The following DGKA variants were observed in gnomAD, a reference collection of about 807,000 sequenced individuals.
DGKA encodes the protein 80 kDa diacylglycerol kinase.
In DGKA, 35 loss-of-function variants were observed where a neutral mutation model predicts 105.0. The ratio of observed to expected loss-of-function variants is 0.33; its 90% CI spans 0.25 to 0.44. The LOEUF (loss-of-function observed/expected upper bound fraction) is 0.44, where lower values mean the gene tolerates loss of function less well. DGKA is among the 20% of genes least tolerant of loss of function. DGKA has a pLI of 1.00. For synonymous variants in DGKA, 296 were observed against 332.0 expected (o/e 0.89, Z 1.18); for missense variants, 665 against 915.0 (o/e 0.73, Z 3.53).
chr12:55,932,515 G>A lies in DGKA; in HGVS notation c.-82+1171G>A, dbSNP rs1167523207. ...TCCTCTCCCCACCTGTCACTGGGAA[G>A]TTTCTGAAAATACCTGAGTCTGAAT... On this transcript the variant is annotated intron_variant, in intron 1 of 23. Coordinates refer to ENST00000331886, the MANE Select transcript of DGKA (RefSeq NM_001345.5). The surrounding 1 kb of genome is among the most constrained non-coding windows in gnomAD (Gnocchi z 4.3). The A allele has an allele frequency of 4.3e-6, 3 of 702,128 alleles. No homozygotes were observed. The highest frequency in any genetic ancestry group is 7.8e-6 in the Non-Finnish European group (3 of 384,780). The allele number at this position is 702,128 out of a possible 1,614,324, so 43.5% of individuals were successfully genotyped here. A position where few individuals can be genotyped will look rare whatever the true frequency, so the allele number is the denominator to read the frequency against.
chr12:55,941,910 G>A lies in DGKA; in HGVS notation c.1251-88G>A, dbSNP rs538853376. ...AAAAAGGAGGAGGGTCCTACGGAATGAGAGACAAGAAGCAATCTGCCTGCT... is the reference window on the plus strand; with the variant it reads ...AAAAAGGAGGAGGGTCCTACGGAATAAGAGACAAGAAGCAATCTGCCTGCT... On this transcript the variant is annotated intron_variant, in intron 15 of 23. Transcript: ENST00000331886. The A allele has an allele frequency of 3.0e-6, 4 of 1,353,504 alleles. No individual in the cohort carries two copies. The South Asian group carries it at 3.5e-5, about 12-fold the overall frequency. 83.8% of individuals were successfully genotyped at this position (1,353,504 alleles called of 1,614,324 possible).
At chr12:55,943,070 A>G (rs1886341825) in intron 17 of DGKA, among the ~76,000 whole-genome samples, 1 of 152,172 alleles carries the variant, frequency 6.6e-6, no homozygotes, top group African/African-American at 2.4e-5. Flanking sequence ...ATGGAGGGTT[A>G]TGAATACTGT....
At chr12:55,947,892 C>T (rs768757871) in intron 17 of DGKA, among the ~76,000 whole-genome samples, 1 of 152,032 alleles carries the variant, frequency 6.6e-6, no homozygotes, top group Non-Finnish European at 1.5e-5. Flanking sequence ...CGGGTTCAAG[C>T]GATTCTCGTG....
intron 17 of DGKA, among the ~76,000 whole-genome samples, chr12:55,944,902 C>T (rs186972478): frequency 2.1e-4 from 32 of 152,268 alleles, no homozygotes; most frequent in Non-Finnish European, 1.2e-4. Context: ...CAGGTTCCGG[C>T]GATTCTCCTG....
At chr12:55,937,315 T>G in intron 3 of DGKA, 93 bp from the exon 4 acceptor site, 1 of 1,458,928 alleles carries the variant, frequency 6.9e-7, no homozygotes, top group Admixed American at 1.8e-5. Context: ...TTCTCAGCTC[T>G]GCATTTATTA....
In DGKA at chr12:55,932,713, A is replaced by T; in HGVS notation, c.-82+1369A>T. 2 of 195,966 alleles carry T rather than the reference A, an allele frequency of 1.0e-5. No homozygotes were observed. Among genetic ancestry groups the T allele is most frequent in the Admixed American group, 6.5e-5 (1 of 15,488 alleles). The allele number at this position is 195,966 out of a possible 1,614,324, so 12.1% of individuals were successfully genotyped here. On this transcript the variant is annotated intron_variant, in intron 1 of 23. Transcript: ENST00000331886. This position sits in a 1 kb window ranked among gnomAD's most constrained non-coding sequence, Gnocchi z 4.3. ...CCTCTACACACACACACACACGCAC[A>T]CACACACACACACACACACACACAC...
chr12:55,940,164 C>G lies in DGKA; in HGVS notation c.792C>G (p.Asp264Glu). Residue 264 changes from aspartate (D) to glutamate (E), a missense_variant, in exon 10 of 24, where the codon GAC becomes GAG. Coordinates refer to ENST00000331886, the MANE Select transcript of DGKA (RefSeq NM_001345.5). This position sits in a 1 kb window ranked among gnomAD's most constrained non-coding sequence, Gnocchi z 4.3. Reference sequence around the variant, plus strand: ...GCACCTATGCCAAGTCTCGGAAGGACATTGGTGTGAGTGATCTCATGCCTC... The same window carrying G: ...GCACCTATGCCAAGTCTCGGAAGGAGATTGGTGTGAGTGATCTCATGCCTC... The part of the protein sequence containing the change: ...EVSTYAKSRK[D>E]IGVQSHVWVR... 6.2e-7 allele frequency: 1 copy of G among 1,614,216 alleles called. No individual in the cohort carries two copies. Among genetic ancestry groups the G allele is most frequent in the South Asian group, 1.1e-5 (1 of 91,082 alleles).
chr12:55,928,693 AAAAAAAAAAAAAACT>A (rs1250558021), upstream of DGKA, among the ~76,000 whole-genome samples: 3 of 150,350 alleles, frequency 2.0e-5, no homozygotes, highest in Admixed American at 6.6e-5. Context: ...AAAAAAAAAA[AAAAAAAAAAAAAACT>A]AAAAAACTGA....
At chr12:55,950,919 G>T (rs2136405370) in intron 17 of DGKA, among the ~76,000 whole-genome samples, 1 of 151,970 alleles carries the variant, frequency 6.6e-6, no homozygotes, top group Admixed American at 6.5e-5. Flanking sequence ...TTCTAGTTTT[G>T]TATCCATTCA....
In DGKA at chr12:55,953,944, T is replaced by C. The variant is rs1360997885; in HGVS notation, c.*176T>C. ...TCACTGTTCCCCATGCGCACACACA[T>C]ACACACACCCCAAAACACATACATT... On this transcript the variant is annotated 3_prime_UTR_variant, in exon 24 of 24. Transcript: ENST00000331886. The C allele has an allele frequency of 1.2e-5, 8 of 647,908 alleles. No homozygotes were observed. The highest frequency in any genetic ancestry group is 2.1e-5 in the Non-Finnish European group (8 of 375,442). 40.1% of individuals were successfully genotyped at this position (647,908 alleles called of 1,614,324 possible). A position where few individuals can be genotyped will look rare whatever the true frequency, so the allele number is the denominator to read the frequency against.
chr12:55,948,921 G>T (rs891518407), intron 17 of DGKA, among the ~76,000 whole-genome samples: 1 of 151,948 alleles, frequency 6.6e-6, no homozygotes, highest in Non-Finnish European at 1.5e-5. Context: ...TACTTGGGAG[G>T]CTGAGCAGGA....
chr12:55,953,781 T>C lies in DGKA; in HGVS notation c.*13T>C. 1 of 1,613,786 alleles carries C rather than the reference T, an allele frequency of 6.2e-7. No homozygotes were observed. Among genetic ancestry groups the C allele is most frequent in the Non-Finnish European group, 8.5e-7 (1 of 1,179,646 alleles). On this transcript the variant is annotated 3_prime_UTR_variant, in exon 24 of 24. Transcript: ENST00000331886. ...CTTCTTGAGCTAAGGGGGACACCCT[T>C]GGCCTCCAAGCCAGCCTTGAACCCA...
At position 55,942,017 on chromosome 12, in the gene DGKA, G is replaced by A; in HGVS notation, c.1270G>A (p.Val424Ile). The A allele has an allele frequency of 6.8e-6, 11 of 1,614,178 alleles. No individual in the cohort carries two copies. The highest frequency in any genetic ancestry group is 9.3e-6 in the Non-Finnish European group (11 of 1,180,030). The change falls in exon 16 of 24, where the codon GTT (valine) becomes ATT (isoleucine). Residue 424 changes from valine to isoleucine, a missense_variant. This residue lies in a region of DGKA where 504 missense variants were observed against 681.2 expected (regional missense o/e 0.74). Coordinates refer to ENST00000331886, the MANE Select transcript of DGKA (RefSeq NM_001345.5). Reference protein sequence around the residue: ...PEIGLRLFKDVPDSRILVCGG... With the variant: ...PEIGLRLFKDIPDSRILVCGG... ...TCTCAGGCTCCGATTATTCAAGGATGTTCCTGATAGCCGGATTTTGGTGTG... is the reference window on the plus strand; with the variant it reads ...TCTCAGGCTCCGATTATTCAAGGATATTCCTGATAGCCGGATTTTGGTGTG...
chr12:55,938,094 G>C lies in DGKA; in HGVS notation c.349+42G>C, dbSNP rs768976265. On this transcript the variant is annotated intron_variant, in intron 5 of 23. Transcript: ENST00000331886. ...AAGTGAGGTGGCAGGGCAGTGAAGG[G>C]AGAGAGAGGTGTTTCCCATCCTCCT... is the stretch of plus-strand genomic sequence containing the variant. 4 of 1,549,930 alleles carry C rather than the reference G, an allele frequency of 2.6e-6. No homozygotes were observed. The African/African-American group carries it at 4.1e-5, about 16-fold the overall frequency.
upstream of DGKA, among the ~76,000 whole-genome samples, chr12:55,928,075 T>A (rs556661288): frequency 6.6e-6 from 1 of 152,308 alleles, no homozygotes; most frequent in East Asian, 1.9e-4. Context: ...CTCCCTATTC[T>A]GCAGACGAAC....
Position 55,940,997 on chromosome 12 carries a change from C to A in DGKA, c.1101+17C>A, listed in dbSNP as rs1156695536. On this transcript the variant is annotated intron_variant, in intron 13 of 23. Coordinates refer to ENST00000331886, the MANE Select transcript of DGKA (RefSeq NM_001345.5). The surrounding 1 kb of genome is among the most constrained non-coding windows in gnomAD (Gnocchi z 4.3). ...GCTCTGCGGGTACAGGGCTGAGAGT[C>A]TTGGGCTTCATGATGGGGGCAGGTT... 14 of 1,611,484 alleles carry A rather than the reference C, an allele frequency of 8.7e-6. No homozygotes were observed. The highest frequency in any genetic ancestry group is 1.2e-5 in the Non-Finnish European group (14 of 1,178,638).
In DGKA at chr12:55,953,875, G is replaced by A; in HGVS notation, c.*107G>A. On this transcript the variant is annotated 3_prime_UTR_variant, in exon 24 of 24. Transcript: ENST00000331886. ...TGCCACATACTCCTGCCAGCTTGGGGGAGTGTTCCTTCACCCTCACAGTAT... is the reference window on the plus strand; with the variant it reads ...TGCCACATACTCCTGCCAGCTTGGGAGAGTGTTCCTTCACCCTCACAGTAT... 1 of 984,610 alleles carries A rather than the reference G, an allele frequency of 1.0e-6. No homozygotes were observed. The highest frequency in any genetic ancestry group is 1.6e-5 in the African/African-American group (1 of 62,134). 61.0% of individuals were successfully genotyped at this position (984,610 alleles called of 1,614,324 possible). A position where few individuals can be genotyped will look rare whatever the true frequency, so the allele number is the denominator to read the frequency against.
intron 2 of DGKA, 62 bp from the exon 3 acceptor site, chr12:55,936,955 T>A: frequency 1.4e-6 from 2 of 1,424,032 alleles, no homozygotes; most frequent in South Asian, 2.3e-5. Flanking sequence ...CTGCTGGATT[T>A]CTCTGGCAAG....
chr12:55,952,219 C>T lies in DGKA; in HGVS notation c.1652+120C>T. ...CTCTAGGAGGTCCCCCCAACCAAAG[C>T]CACCCTTGTTCCCCATGGGACTAAA... On this transcript the variant is annotated intron_variant, in intron 19 of 23. Transcript: ENST00000331886. This position sits in a 1 kb window ranked among gnomAD's most constrained non-coding sequence, Gnocchi z 5.1. The T allele has an allele frequency of 1.3e-6, 2 of 1,506,320 alleles. No homozygotes were observed. The highest frequency in any genetic ancestry group is 2.3e-5 in the South Asian group (2 of 88,358). 93.3% of individuals were successfully genotyped at this position (1,506,320 alleles called of 1,614,324 possible).
Sources: gnomAD v4.1 joint callset for allele counts (sites outside exome capture counted in the v4.1 genomes callset) on GRCh38, gnomAD v4.1.1 for gene constraint, gnomAD v4.1.1 regional missense constraint, Gnocchi (gnomAD v3.1) non-coding constraint, MANE v1.5 for transcripts, NCBI Gene and HGNC (gene_info 2026-07-23, HGNC 2026-07-21) for gene names.